PSTPIP1: variants seen among roughly 807,000 people sequenced by gnomAD.
PSTPIP1 encodes proline-serine-threonine phosphatase interacting protein 1, also known as proline-serine-threonine phosphatase-interacting protein 1.
A neutral mutation model predicts 69.6 loss-of-function variants in PSTPIP1; 66 were observed. The observed-to-expected ratio is 0.95, with a 90% CI of 0.78 to 1.16. The LOEUF is 1.16. Among genes scored for constraint, PSTPIP1 ranks in the 50% most tolerant of loss-of-function variants. The pLI is 0.00. For missense variants in PSTPIP1, 603 were observed against 557.4 expected, an observed-to-expected ratio of 1.08 and a Z score of -0.82; for synonymous variants, 266 against 222.7, an observed-to-expected ratio of 1.19 and a Z score of -1.73.
Position 77,035,932 on chromosome 15 carries a change from G to A in PSTPIP1, c.1116G>A (p.Ala372=), listed in dbSNP as rs369835681. The A allele has an allele frequency of 8.2e-5, 131 of 1,598,584 alleles. No homozygotes were observed. Among genetic ancestry groups the A allele is most frequent in the East Asian group, 7.2e-4 (32 of 44,264 alleles). ...ACCGGGCGCTCTACGATTATACAGC[G>A]CAGGTGAGGCCTCTATACCCCAAAC... ...QEYRALYDYT[A]QNPDELDLSA... is the part of the protein sequence containing the mutation. The change falls in exon 14 of 15, where the codon GCG becomes GCA. Residue 372 remains alanine, a synonymous_variant. Coordinates refer to ENST00000558012, the MANE Select transcript of PSTPIP1 (RefSeq NM_003978.5).
At chr15:77,007,930 C>T (rs1457135428) in intron 1 of PSTPIP1, 1 of 456,090 alleles carries the variant, frequency 2.2e-6, no homozygotes, top group Admixed American at 2.4e-5. Context: ...GTCACTGAAG[C>T]AGAAGGGATT....
At chr15:77,001,203 G>A (rs944242459) in intron 1 of PSTPIP1, among the ~76,000 whole-genome samples, 1 of 151,848 alleles carries the variant, frequency 6.6e-6, no homozygotes, top group African/African-American at 2.4e-5. Flanking sequence ...GACTATAAAG[G>A]TTTTTCACTT....
intron 1 of PSTPIP1, among the ~76,000 whole-genome samples, chr15:76,998,963 G>A (rs1352004872): frequency 2.6e-5 from 4 of 152,200 alleles, no homozygotes; most frequent in Admixed American, 2.6e-4. Flanking sequence ...TTGTAAATGA[G>A]CCTCAGAGTG....
rs4078354 is a variant in PSTPIP1 at position 77,032,539 on chromosome 15, A to G, written c.838+145A>G. ...AGAAGCCCTAGCAGGGGTTGTGGGG[A>G]GTTGGGTCCCAGGCCTGCTGCCTCC... is the stretch of plus-strand genomic sequence containing the variant. On this transcript the variant is annotated intron_variant, in intron 11 of 14. Transcript: ENST00000558012. The G allele has an allele frequency of 0.63, 521,947 of 825,384 alleles. 167,542 individuals carry two copies. The highest frequency in any genetic ancestry group is 0.74 in the Middle Eastern group (3,247 of 4,414). The allele number at this position is 825,384 out of a possible 1,614,324, so 51.1% of individuals were successfully genotyped here.
At chr15:77,009,184 G>GC (rs1357382022) in intron 1 of PSTPIP1, among the ~76,000 whole-genome samples, 11 of 152,208 alleles carry the variant, frequency 7.2e-5, no homozygotes, top group South Asian at 6.2e-4. Flanking sequence ...AGTCCAACTA[G>GC]CCCCCCAGGC....
intron 1 of PSTPIP1, among the ~76,000 whole-genome samples, chr15:77,012,333 TTGTCCACC>T (rs144836609): frequency 0.011 from 963 of 89,616 alleles, 13 homozygotes; most frequent in African/African-American, 0.04. Flanking sequence ...ATCCCTCCAT[TTGTCCACC>T]TGTCCACCAG....
intron 1 of PSTPIP1, among the ~76,000 whole-genome samples, chr15:77,017,118 C>T (rs12912465): frequency 0.19 from 29,174 of 152,138 alleles, 3,492 homozygotes; most frequent in Non-Finnish European, 0.27. Context: ...ACCTCTCAAG[C>T]TCCCCTGGAG....
At chr15:77,032,755 C>T in intron 11 of PSTPIP1, 107 bp from the exon 12 acceptor site, 1 of 957,198 alleles carries the variant, frequency 1.0e-6, no homozygotes, top group South Asian at 1.6e-5. Context: ...CCTCAGGCAC[C>T]AGGATGGGCC....
At chr15:77,016,419 C>T (rs1182437902) in intron 1 of PSTPIP1, among the ~76,000 whole-genome samples, 4 of 152,034 alleles carry the variant, frequency 2.6e-5, no homozygotes, top group Admixed American at 2.6e-4. Flanking sequence ...TGGCTGCAAG[C>T]AGCTGCCCAC....
At chr15:77,033,998 T>C (rs919527231) in intron 12 of PSTPIP1, among the ~76,000 whole-genome samples, 2 of 151,912 alleles carry the variant, frequency 1.3e-5, no homozygotes, top group Non-Finnish European at 2.9e-5. Flanking sequence ...CCTGAAGCAG[T>C]ATCAGGAAGG....
chr15:77,028,122 T>C (rs999246501), intron 6 of PSTPIP1, among the ~76,000 whole-genome samples: 1 of 143,768 alleles, frequency 7.0e-6, no homozygotes, highest in African/African-American at 2.9e-5. Context: ...CCCGGGCCCT[T>C]CCCTTGTGGG....
intron 1 of PSTPIP1, among the ~76,000 whole-genome samples, chr15:77,012,838 T>A (rs900397038): frequency 6.6e-6 from 1 of 152,220 alleles, no homozygotes; most frequent in African/African-American, 2.4e-5. Flanking sequence ...GTCCCCTCCA[T>A]GGGGCACCTC....
chr15:77,017,003 C>A (rs2076064164), intron 1 of PSTPIP1, among the ~76,000 whole-genome samples: 1 of 152,138 alleles, frequency 6.6e-6, no homozygotes. Flanking sequence ...TTCCTCCAGT[C>A]TCTGAGGCTT....
chr15:77,037,155 T>C lies in PSTPIP1; in HGVS notation c.1230T>C (p.Gly410=). Residue 410 remains glycine, a synonymous_variant, in exon 15 of 15, where the codon GGT becomes GGC. Transcript: ENST00000558012. ...ACGGGCAGCGTGGCTTCGTCCCTGG[T>C]TCCTACCTGGAGAAGCTTTGAGGAA... ...ERNGQRGFVP[G]SYLEKL The C allele has an allele frequency of 6.2e-7, 1 of 1,610,222 alleles. No individual in the cohort carries two copies. The highest frequency in any genetic ancestry group is 8.5e-7 in the Non-Finnish European group (1 of 1,178,922).
chr15:77,030,195 C>G (rs2469236), intron 8 of PSTPIP1, among the ~76,000 whole-genome samples: 32 of 152,352 alleles, frequency 2.1e-4, no homozygotes, highest in African/African-American at 7.7e-4. Context: ...CTTCTCTGAA[C>G]CTCAGTTTCC....
At chr15:76,995,047 G>A (rs2075542077), upstream of PSTPIP1, 2 of 1,193,976 alleles carry the variant, frequency 1.7e-6, no homozygotes, top group Non-Finnish European at 2.1e-6. Context: ...GCAGGTGGCA[G>A]GCGGGGCTGC....
intron 1 of PSTPIP1, chr15:77,015,984 C>G (rs982475216): frequency 8.8e-6 from 4 of 456,170 alleles, no homozygotes; most frequent in Admixed American, 2.3e-5. Context: ...TGACTCCTCC[C>G]GAATGGCCAG....
chr15:77,010,246 A>T (rs2075906351), intron 1 of PSTPIP1, among the ~76,000 whole-genome samples: 1 of 152,172 alleles, frequency 6.6e-6, no homozygotes, highest in Non-Finnish European at 1.5e-5. Flanking sequence ...AGTCACTGTT[A>T]TCCTCACTTC....
rs770543515 is a variant in PSTPIP1 at position 77,032,845 on chromosome 15, C to T, written c.839-17C>T. ...GTGTTGGGGGCCGCCCTGGGGCTCACGGCTTGCTGTCTGCAGCTCCGGTGC... is the reference window on the plus strand; with the variant it reads ...GTGTTGGGGGCCGCCCTGGGGCTCATGGCTTGCTGTCTGCAGCTCCGGTGC... On this transcript the variant is annotated splice_polypyrimidine_tract_variant and intron_variant, in intron 11 of 14. Coordinates refer to ENST00000558012, the MANE Select transcript of PSTPIP1 (RefSeq NM_003978.5). 6.4e-6 allele frequency: 10 copies of T among 1,553,936 alleles called. No individual in the cohort carries two copies. The highest frequency in any genetic ancestry group is 2.4e-5 in the East Asian group (1 of 41,600).
Sources: gnomAD v4.1 joint callset for allele counts (sites outside exome capture counted in the v4.1 genomes callset) on GRCh38, gnomAD v4.1.1 for gene constraint, MANE v1.5 for transcripts, NCBI Gene and HGNC (gene_info 2026-07-23, HGNC 2026-07-21) for gene names.